SOS1: variants seen among roughly 807,000 people sequenced by gnomAD.
SOS1 encodes son of sevenless homolog 1.
SOS1 carries 25 observed loss-of-function variants against 157.6 expected under a neutral mutation model. That is an observed-to-expected ratio of 0.16 (90% CI 0.12 to 0.22). The LOEUF (loss-of-function observed/expected upper bound fraction) is 0.22. Ranked by LOEUF, SOS1 falls within the 10% of genes least tolerant of loss-of-function variation. The pLI is 1.00. For missense variants in SOS1, 1,237 were observed against 1,599.1 expected (o/e 0.77, Z 3.86); for synonymous variants, 528 against 534.0 (o/e 0.99, Z 0.16).
chr2:39,022,754 C>T lies in SOS1; in HGVS notation c.1674G>A (p.Met558Ile), dbSNP rs753055115. ...TCTGCTCCTCTTTCTCTTCCTGTAGCATTGTTACATCAAGCATCCTTTCCA... is the reference window on the plus strand; with the variant it reads ...TCTGCTCCTCTTTCTCTTCCTGTAGTATTGTTACATCAAGCATCCTTTCCA... ...STLERMLDVT[M>I]LQEEKEEQMR... The change falls in exon 10 of 23, where the codon ATG becomes ATA. Residue 558 changes from methionine to isoleucine, a missense_variant. Met to Ile is a conservative substitution (Grantham distance 10). Around this residue, in one of 15 missense-constraint regions of SOS1, gnomAD observed 210 missense variants for 220.2 expected, o/e 0.95. Transcript: ENST00000402219. 3.1e-6 allele frequency: 5 copies of T among 1,613,640 alleles called. No individual in the cohort carries two copies. In the East Asian group the frequency reaches 6.7e-5, roughly 22 times the overall value.
At chr2:39,063,221 C>A in intron 2 of SOS1, among the ~76,000 whole-genome samples, 1 of 151,978 alleles carries the variant, frequency 6.6e-6, no homozygotes, top group East Asian at 1.9e-4. Context: ...CTCCTGGGCT[C>A]AAGTGATCCT....
chr2:39,012,381 AT>A, intron 13 of SOS1, 33 bp from the exon 14 acceptor site: 5 of 964,650 alleles, frequency 5.2e-6, no homozygotes, highest in African/African-American at 1.7e-5. Flanking sequence ...TAACATTTAA[AT>A]ATTCTTTATT....
At chr2:39,110,930 A>G (rs1028928147) in intron 1 of SOS1, among the ~76,000 whole-genome samples, 1 of 151,986 alleles carries the variant, frequency 6.6e-6, no homozygotes, top group Non-Finnish European at 1.5e-5. Flanking sequence ...GAGAAACCCC[A>G]TCTCTATTAA....
intron 1 of SOS1, among the ~76,000 whole-genome samples, chr2:39,069,248 G>A (rs944763711): frequency 1.5e-5 from 2 of 130,716 alleles, no homozygotes; most frequent in African/African-American, 5.8e-5. Context: ...ACACATGCCT[G>A]TAGTAGTCCC....
At chr2:39,044,239 C>G (rs1371563111) in intron 6 of SOS1, among the ~76,000 whole-genome samples, 1 of 152,154 alleles carries the variant, frequency 6.6e-6, no homozygotes, top group East Asian at 1.9e-4. Flanking sequence ...GTAATCTCAA[C>G]TACTGGGGTG....
At chr2:39,116,205 T>G (rs1367239296) in intron 1 of SOS1, among the ~76,000 whole-genome samples, 1 of 152,100 alleles carries the variant, frequency 6.6e-6, no homozygotes, top group South Asian at 2.1e-4. Flanking sequence ...AGTCAACATT[T>G]CCAAAAATCA....
At chr2:39,036,898 T>A (rs1670374343) in intron 6 of SOS1, among the ~76,000 whole-genome samples, 2 of 151,678 alleles carry the variant, frequency 1.3e-5, no homozygotes, top group Non-Finnish European at 2.9e-5. Context: ...CTTGATCTGC[T>A]GGACTCAAGT....
Position 39,115,551 on chromosome 2 carries a change from A to C in SOS1, c.87+4785T>G, listed in dbSNP as rs564903009. 5.9e-4 allele frequency among the ~76,000 whole-genome samples: 90 copies of C among 151,786 alleles called. 1 individual carries two copies. The highest frequency in any genetic ancestry group is 2.0e-3 in the African/African-American group (83 of 41,376). On this transcript the variant is annotated intron_variant, in intron 1 of 22. Transcript: ENST00000402219. ...CACCTCAGCCTCCCAAGCAGCTGGGACTACAGGCTCATGCCACCACACCTG... is the reference window on the plus strand; with the variant it reads ...CACCTCAGCCTCCCAAGCAGCTGGGCCTACAGGCTCATGCCACCACACCTG...
intron 1 of SOS1, among the ~76,000 whole-genome samples, chr2:39,097,123 A>C (rs1417179084): frequency 6.6e-6 from 1 of 152,168 alleles, no homozygotes; most frequent in African/African-American, 2.4e-5. Context: ...ATTCATGAGG[A>C]TCTGACAGGA....
In SOS1 at chr2:39,120,277, T is replaced by TC. The variant is rs1439409535; in HGVS notation, c.87+58dup. 2.7e-6 allele frequency: 4 copies of TC among 1,469,610 alleles called. No individual in the cohort carries two copies. The Admixed American group carries it at 6.1e-5, about 23-fold the overall frequency. The allele number at this position is 1,469,610 out of a possible 1,614,324, so 91.0% of individuals were successfully genotyped here. A position where few individuals can be genotyped will look rare whatever the true frequency, so the allele number is the denominator to read the frequency against. Reference sequence around the variant, plus strand: ...GCGCGCGCCCCGCCTCCCCAGCCCTTCCCCAGCGCCCGCGCTGGGGGGCTG... The same window carrying TC: ...GCGCGCGCCCCGCCTCCCCAGCCCTTCCCCCAGCGCCCGCGCTGGGGGGCTG... On this transcript the variant is annotated intron_variant, in intron 1 of 22. Coordinates refer to ENST00000402219, the MANE Select transcript of SOS1 (RefSeq NM_005633.4).
intron 1 of SOS1, among the ~76,000 whole-genome samples, chr2:39,078,586 C>A (rs1228309622): frequency 6.6e-6 from 1 of 152,172 alleles, no homozygotes; most frequent in Non-Finnish European, 1.5e-5. Context: ...TCAATAGGAG[C>A]ATTAGATTCT....
chr2:39,108,725 CA>C (rs1320022854), intron 1 of SOS1, among the ~76,000 whole-genome samples: 3 of 151,882 alleles, frequency 2.0e-5, no homozygotes, highest in South Asian at 2.1e-4. Flanking sequence ...CCTGTCTCTA[CA>C]AAAAAAATTT....
intron 17 of SOS1, among the ~76,000 whole-genome samples, chr2:39,003,569 C>G (rs1217209107): frequency 2.0e-5 from 3 of 152,254 alleles, no homozygotes; most frequent in African/African-American, 7.2e-5. Flanking sequence ...ATTAAAAATT[C>G]TTGGAATTAA....
chr2:39,014,824 A>T lies in SOS1; in HGVS notation c.1881T>A (p.Phe627Leu). The T allele has an allele frequency of 6.3e-7, 1 of 1,597,660 alleles. No individual in the cohort carries two copies. The highest frequency in any genetic ancestry group is 8.6e-7 in the Non-Finnish European group (1 of 1,165,570). Reference protein sequence around the residue: ...MYADPNFVRTFLTTYRSFCKP... With the variant: ...MYADPNFVRTLLTTYRSFCKP... ...TGCAAAAGGATCTGTATGTTGTAAG[A>T]AATGTCCGAACAAAATTGGGATCTA... The change falls in exon 11 of 23, where the codon TTT becomes TTA. Residue 627 changes from phenylalanine (F) to leucine (L), a missense_variant. Physicochemically the swap from Phe to Leu is conservative, Grantham distance 22. Transcript: ENST00000402219.
chr2:39,011,337 T>C (rs1394411597), intron 14 of SOS1, among the ~76,000 whole-genome samples: 1 of 152,170 alleles, frequency 6.6e-6, no homozygotes, highest in Non-Finnish European at 1.5e-5. Context: ...TATTAATAAA[T>C]TAGGGTGACA....
At chr2:38,998,231 TTA>T (rs1394520113) in intron 17 of SOS1, among the ~76,000 whole-genome samples, 4 of 151,932 alleles carry the variant, frequency 2.6e-5, no homozygotes, top group African/African-American at 4.8e-5. Flanking sequence ...GTGTGTGATC[TTA>T]TTTTTTTTTT....
At chr2:39,056,678 A>G (rs766935887) in intron 4 of SOS1, 24 bp downstream of exon 4, 11 of 1,530,034 alleles carry the variant, frequency 7.2e-6, no homozygotes, top group Admixed American at 1.7e-5. Flanking sequence ...CTTAAGAAAA[A>G]AATAGAAAAG....
chr2:39,119,370 A>AT, intron 1 of SOS1, among the ~76,000 whole-genome samples: 1 of 152,228 alleles, frequency 6.6e-6, no homozygotes, highest in African/African-American at 2.4e-5. Context: ...AGGGAAAGTA[A>AT]AAGTTACTGG....
chr2:39,051,046 G>A (rs1670998009), intron 6 of SOS1, 98 bp downstream of exon 6: 3 of 1,057,592 alleles, frequency 2.8e-6, no homozygotes, highest in South Asian at 2.5e-5. Context: ...TCAACAATTA[G>A]TATCTATGAC....
Sources: gnomAD v4.1 joint callset for allele counts (sites outside exome capture counted in the v4.1 genomes callset) on GRCh38, gnomAD v4.1.1 for gene constraint, gnomAD v4.1.1 regional missense constraint, MANE v1.5 for transcripts, NCBI Gene and HGNC (gene_info 2026-07-23, HGNC 2026-07-21) for gene names.